Variants in TTLL3 observed in about 807,000 individuals in gnomAD.
TTLL3 encodes tubulin tyrosine ligase like 3.
In TTLL3, 63 loss-of-function variants were observed where a neutral mutation model predicts 75.2. The observed-to-expected ratio is 0.84, with a 90% CI of 0.68 to 1.03. The LOEUF (loss-of-function observed/expected upper bound fraction) is 1.03. TTLL3 is among the 50% of genes least tolerant of loss of function. The pLI is 0.00. For missense variants in TTLL3, 997 were observed against 1,069.9 expected, an observed-to-expected ratio of 0.93 and a Z score of 0.95; for synonymous variants, 393 against 418.5, an observed-to-expected ratio of 0.94 and a Z score of 0.74.
chr3:9,821,957 C>T (rs1193771933), intron 8 of TTLL3, among the ~76,000 whole-genome samples: 4 of 145,980 alleles, frequency 2.7e-5, no homozygotes, highest in Non-Finnish European at 4.5e-5. Context: ...GAGCCGAGAT[C>T]GCGCCACTGT....
intron 8 of TTLL3, among the ~76,000 whole-genome samples, chr3:9,823,407 T>TTG (rs1202603252): frequency 6.6e-6 from 1 of 150,428 alleles, no homozygotes; most frequent in African/African-American, 2.4e-5. Flanking sequence ...AGCCAGTTTT[T>TTG]TTTTTTTTTT....
rs1485520274 is a variant in TTLL3 at position 9,834,713 on chromosome 3, GC to G, written c.1861del (p.Gln621SerfsTer35). On this transcript the variant is annotated frameshift_variant, in exon 13 of 14. Transcript: ENST00000685419. LOFTEE classifies it high-confidence loss of function. ...RHHFPSLHTK[A>X]QLPSPHVLRH... ...CCACTTCCCCAGCCTCCACACCAAG[GC>G]CCAGCTGCCTTCTCCCCATGTACTC... is the stretch of plus-strand genomic sequence containing the variant. 6.2e-7 allele frequency: 1 copy of G among 1,614,080 alleles called. No homozygotes were observed. Among genetic ancestry groups the G allele is most frequent in the Non-Finnish European group, 8.5e-7 (1 of 1,180,034 alleles).
At chr3:9,810,188 G>T, upstream of TTLL3, 1 of 1,476,770 alleles carries the variant, frequency 6.8e-7, no homozygotes, top group Non-Finnish European at 8.9e-7. The surrounding 1 kb of genome is among the most constrained non-coding windows in gnomAD (Gnocchi z 4.4). Flanking sequence ...CGTCCACCCA[G>T]GAGGCTGCCA....
rs1232684195 is a variant in TTLL3, at chr3:9,810,712, C to T, written c.48+3C>T. The T allele has an allele frequency of 6.3e-7, 1 of 1,584,356 alleles. No individual in the cohort carries two copies. Among genetic ancestry groups the T allele is most frequent in the Admixed American group, 1.8e-5 (1 of 54,412 alleles). On this transcript the variant is annotated splice_donor_region_variant and intron_variant, in intron 2 of 13. Transcript: ENST00000685419. The surrounding 1 kb of genome is among the most constrained non-coding windows in gnomAD (Gnocchi z 4.4). ...TCTACGTGGAGAGAGCTGTCAAGGT[C>T]AGAGGAGGGGCAGGGGCGCTTAGAA...
At chr3:9,820,955 T>C in intron 8 of TTLL3, 2 of 669,732 alleles carry the variant, frequency 3.0e-6, no homozygotes, top group South Asian at 5.5e-5. Flanking sequence ...GAGCATGGAC[T>C]GTGCCACCAA....
Position 9,833,882 on chromosome 3 carries a change from G to A in TTLL3, c.1825+637G>A, listed in dbSNP as rs542269047. Reference sequence around the variant, plus strand: ...AAAAAGCACTTTGGGAGGCCGAGGCGGGCAGATCACTTGAGGTCAGGAGTT... The same window carrying A: ...AAAAAGCACTTTGGGAGGCCGAGGCAGGCAGATCACTTGAGGTCAGGAGTT... On this transcript the variant is annotated intron_variant, in intron 12 of 13. Transcript: ENST00000685419. Among the ~76,000 whole-genome samples, 32 of 151,866 alleles carry A rather than the reference G, an allele frequency of 2.1e-4. No individual in the cohort carries two copies. In the Middle Eastern group the frequency reaches 0.01, roughly 49 times the overall value.
At chr3:9,817,861 T>C in intron 6 of TTLL3, 102 bp downstream of exon 6, 4 of 1,453,992 alleles carry the variant, frequency 2.8e-6, no homozygotes, top group Non-Finnish European at 3.8e-6. Context: ...CATGCCCTCA[T>C]CTGCCTGCCC....
chr3:9,814,880 G>A (rs1017321827), intron 4 of TTLL3, among the ~76,000 whole-genome samples: 1 of 151,964 alleles, frequency 6.6e-6, no homozygotes, highest in Admixed American at 6.6e-5. Context: ...GGACATGCAC[G>A]TTGAGGTGAG....
At chr3:9,810,062 G>C (rs2079198146), upstream of TTLL3, 2 of 1,341,638 alleles carry the variant, frequency 1.5e-6, no homozygotes, top group Non-Finnish European at 1.9e-6. This position sits in a 1 kb window ranked among gnomAD's most constrained non-coding sequence, Gnocchi z 4.4. Flanking sequence ...GGGCCCGGGC[G>C]CCGGGGCTCG....
Position 9,825,030 on chromosome 3 carries a change from C to T in TTLL3, c.855-770C>T, listed in dbSNP as rs547407531. On this transcript the variant is annotated intron_variant, in intron 8 of 13. Coordinates refer to ENST00000685419, the MANE Select transcript of TTLL3 (RefSeq NM_001387446.1). The stretch of plus-strand genomic sequence containing the variant: ...TGCTGGGATTACAGGCAGGAGCCAC[C>T]GTGCCTGGCCCAGTTTACATTTCTC... Among the ~76,000 whole-genome samples the T allele has an allele frequency of 1.1e-3, 174 of 152,190 alleles. 1 individual carries two copies. The highest frequency in any genetic ancestry group is 4.1e-3 in the African/African-American group (171 of 41,550).
chr3:9,819,429 G>A, intron 7 of TTLL3: 1 of 878,354 alleles, frequency 1.1e-6, no homozygotes, highest in Non-Finnish European at 1.4e-6. Flanking sequence ...GCCCTCCCAT[G>A]GGCCTGGCAT....
At chr3:9,818,568 C>T in intron 6 of TTLL3, 1 of 972,942 alleles carries the variant, frequency 1.0e-6, no homozygotes, top group Middle Eastern at 3.0e-4. Flanking sequence ...CGGGGTTTCA[C>T]TGTGTTAGCC....
rs748670748 is a variant in TTLL3 at position 9,810,680 on chromosome 3, G to T, written c.19G>T (p.Ala7Ser). Residue 7 changes from alanine (A) to serine (S), a missense_variant, in exon 2 of 14, where the codon GCC becomes TCC. Transcript: ENST00000685419. This position sits in a 1 kb window ranked among gnomAD's most constrained non-coding sequence, Gnocchi z 4.4. MNRLRN[A>S]KIYVERAVKQ... ...GTCTCACATGAACCGGCTCAGAAAC[G>T]CCAAAATCTACGTGGAGAGAGCTGT... The T allele has an allele frequency of 2.1e-5, 34 of 1,587,212 alleles. 1 individual carries two copies. The South Asian group carries it at 3.8e-4, about 18-fold the overall frequency.
At chr3:9,827,321 G>A (rs2081135469) in intron 10 of TTLL3, 81 bp downstream of exon 10, 1 of 1,567,112 alleles carries the variant, frequency 6.4e-7, no homozygotes, top group Admixed American at 1.8e-5. Context: ...CAGTGCAGGG[G>A]ACTCGCGCAG....
chr3:9,830,301 T>G (rs1420709845), intron 11 of TTLL3, among the ~76,000 whole-genome samples: 1 of 152,158 alleles, frequency 6.6e-6, no homozygotes, highest in Non-Finnish European at 1.5e-5. Flanking sequence ...CTATTATTAG[T>G]AGTATTATAA....
chr3:9,809,989 G>GGGCGCGGGATCAGGGGCCCTGGGAGGGCA, upstream of TTLL3: 1 of 1,293,684 alleles, frequency 7.7e-7, no homozygotes, highest in Non-Finnish European at 9.8e-7. Context: ...CTGGGAGGGC[G>GGGCGCGGGATCAGGGGCCCTGGGAGGGCA]AGCGCGGCGA....
chr3:9,819,797 C>T, intron 7 of TTLL3: 1 of 985,510 alleles, frequency 1.0e-6, no homozygotes. Context: ...CCATTGCTGT[C>T]TCTTGTGTGT....
At position 9,834,703 on chromosome 3, in the gene TTLL3, C is replaced by A. The variant is rs1351661477; in HGVS notation, c.1848C>A (p.Leu616=). ...SGEARHHFPS[L]HTKAQLPSPH... ...CAGCCCGTCACCACTTCCCCAGCCT[C>A]CACACCAAGGCCCAGCTGCCTTCTC... The change falls in exon 13 of 14, where the codon CTC becomes CTA. Residue 616 remains leucine, a synonymous_variant. Coordinates refer to ENST00000685419, the MANE Select transcript of TTLL3 (RefSeq NM_001387446.1). The A allele has an allele frequency of 1.9e-6, 3 of 1,614,198 alleles. No individual in the cohort carries two copies. The highest frequency in any genetic ancestry group is 1.6e-4 in the Middle Eastern group (1 of 6,062).
upstream of TTLL3, chr3:9,809,976 G>GCCCTGGGAGGGCGGGCGCGGGATCAGGGT (rs762414313): frequency 4.0e-5 from 52 of 1,303,244 alleles, no homozygotes; most frequent in African/African-American, 5.7e-4. Context: ...GGGATCAGGG[G>GCCCTGGGAGGGCGGGCGCGGGATCAGGGT]CCCTGGGAGG....
Sources: gnomAD v4.1 joint callset for allele counts (sites outside exome capture counted in the v4.1 genomes callset) on GRCh38, gnomAD v4.1.1 for gene constraint, Gnocchi (gnomAD v3.1) non-coding constraint, MANE v1.5 for transcripts, NCBI Gene and HGNC (gene_info 2026-07-23, HGNC 2026-07-21) for gene names.